Variants in EFCAB6 observed in about 807,000 individuals in gnomAD.
The protein encoded by EFCAB6 is EF-hand calcium binding domain 6.
A neutral mutation model predicts 169.8 loss-of-function variants in EFCAB6; 156 were observed. The observed-to-expected ratio is 0.92, with a 90% CI of 0.81 to 1.05. EFCAB6 has a LOEUF of 1.05. Among genes scored for constraint, EFCAB6 ranks in the 50% least tolerant of loss-of-function variants. The probability of loss-of-function intolerance (pLI) is 0.00; values close to 1 mark genes in which losing one functional copy is unlikely to be tolerated. For synonymous variants in EFCAB6, 698 were observed against 676.4 expected, an observed-to-expected ratio of 1.03 and a Z score of -0.50; for missense variants, 1,800 against 1,829.1, an observed-to-expected ratio of 0.98 and a Z score of 0.29.
intron 10 of EFCAB6, among the ~76,000 whole-genome samples, chr22:43,690,643 C>A (rs78152279): frequency 0.085 from 12,949 of 151,980 alleles, 661 homozygotes; most frequent in South Asian, 0.17. Flanking sequence ...AATGGTGTGG[C>A]CCTGCTCACC....
At chr22:43,564,672 T>A (rs1295070057) in intron 26 of EFCAB6, among the ~76,000 whole-genome samples, 1 of 151,928 alleles carries the variant, frequency 6.6e-6, no homozygotes, top group Non-Finnish European at 1.5e-5. Flanking sequence ...TCCCTAAGGG[T>A]CAAGAGAACC....
chr22:43,583,328 T>C (rs895324863), intron 24 of EFCAB6, among the ~76,000 whole-genome samples: 2 of 151,470 alleles, frequency 1.3e-5, no homozygotes, highest in Non-Finnish European at 2.9e-5. Context: ...CTTACAGATT[T>C]CATGGTTGGG....
chr22:43,781,878 A>G (rs2061833809), intron 3 of EFCAB6, among the ~76,000 whole-genome samples: 1 of 152,178 alleles, frequency 6.6e-6, no homozygotes, highest in Non-Finnish European at 1.5e-5. Context: ...GCTAAAAAAA[A>G]TTAAGTCTAC....
At chr22:43,713,238 C>G (rs1040399419) in intron 9 of EFCAB6, among the ~76,000 whole-genome samples, 5 of 152,074 alleles carry the variant, frequency 3.3e-5, no homozygotes, top group Admixed American at 1.3e-4. Flanking sequence ...GATCTCTATA[C>G]GAGCAGAGAT....
At chr22:43,566,689 A>T (rs2049455321) in intron 26 of EFCAB6, among the ~76,000 whole-genome samples, 1 of 152,224 alleles carries the variant, frequency 6.6e-6, no homozygotes, top group African/African-American at 2.4e-5. Context: ...AAGAACACAG[A>T]AGCCTCCTGA....
chr22:43,548,518 T>C, intron 27 of EFCAB6, among the ~76,000 whole-genome samples: 1 of 102,744 alleles, frequency 9.7e-6, no homozygotes, highest in African/African-American at 3.9e-5. Context: ...CCGGTCTGGG[T>C]GACAGAGCGA....
At chr22:43,704,913 T>C (rs1288768870) in intron 10 of EFCAB6, among the ~76,000 whole-genome samples, 3 of 152,124 alleles carry the variant, frequency 2.0e-5, no homozygotes, top group South Asian at 4.1e-4. Flanking sequence ...CAATAATTAC[T>C]ATGGATGTAA....
intron 6 of EFCAB6, among the ~76,000 whole-genome samples, chr22:43,748,136 T>C: frequency 6.6e-6 from 1 of 152,184 alleles, no homozygotes; most frequent in East Asian, 1.9e-4. Context: ...CTTCCAAGCC[T>C]GGTAACAGGT....
At chr22:43,574,146 T>A (rs2050077248) in intron 26 of EFCAB6, among the ~76,000 whole-genome samples, 1 of 150,912 alleles carries the variant, frequency 6.6e-6, no homozygotes, top group Admixed American at 6.6e-5. Context: ...AAAAAAAAAA[T>A]CCTAAATGCT....
intron 3 of EFCAB6, among the ~76,000 whole-genome samples, chr22:43,774,465 C>A (rs1219777208): frequency 6.6e-6 from 1 of 151,694 alleles, no homozygotes; most frequent in Non-Finnish European, 1.5e-5. Context: ...AGGGACTGCG[C>A]TGCCATCGGC....
intron 21 of EFCAB6, among the ~76,000 whole-genome samples, chr22:43,611,093 C>T (rs1211727830): frequency 6.6e-6 from 1 of 152,142 alleles, no homozygotes; most frequent in Non-Finnish European, 1.5e-5. Flanking sequence ...CAAAACCAGA[C>T]AAAGATATTA....
chr22:43,646,902 T>C (rs761525585), intron 17 of EFCAB6, among the ~76,000 whole-genome samples: 24 of 152,224 alleles, frequency 1.6e-4, no homozygotes, highest in African/African-American at 5.8e-4. Context: ...AAATGTAATA[T>C]GGCAATATGC....
intron 10 of EFCAB6, among the ~76,000 whole-genome samples, chr22:43,709,094 T>A (rs989281567): frequency 6.6e-6 from 1 of 152,190 alleles, no homozygotes; most frequent in Non-Finnish European, 1.5e-5. Context: ...TATTTCTTCA[T>A]TTTTTGGGAC....
At chr22:43,716,321 A>G (rs941440843) in intron 9 of EFCAB6, among the ~76,000 whole-genome samples, 1 of 152,202 alleles carries the variant, frequency 6.6e-6, no homozygotes, top group Non-Finnish European at 1.5e-5. Context: ...AAGTTCACAT[A>G]TAAAGAGTGG....
At position 43,773,036 on chromosome 22, in the gene EFCAB6, G is replaced by A. The variant is rs762356031; in HGVS notation, c.207C>T (p.Thr69=). Residue 69 remains threonine, a synonymous_variant, in exon 4 of 32, where the codon ACC becomes ACT. Coordinates refer to ENST00000262726, the MANE Select transcript of EFCAB6 (RefSeq NM_022785.4). ...CTTTTTGCAACTCATCCCCTCTGTCGGTAATTTTTTGAAATAAAATCCGTT... is the reference window on the plus strand; with the variant it reads ...CTTTTTGCAACTCATCCCCTCTGTCAGTAATTTTTTGAAATAAAATCCGTT... ...DVKRILFQKI[T]DRGDELQKAF... The A allele has an allele frequency of 1.5e-5, 24 of 1,614,028 alleles. No individual in the cohort carries two copies. Among genetic ancestry groups the A allele is most frequent in the African/African-American group, 4.0e-5 (3 of 74,894 alleles).
intron 26 of EFCAB6, among the ~76,000 whole-genome samples, chr22:43,557,419 T>C (rs986510886): frequency 1.3e-5 from 2 of 152,220 alleles, no homozygotes; most frequent in African/African-American, 2.4e-5. Flanking sequence ...TTCAATTTAA[T>C]TGAATTAGCA....
intron 24 of EFCAB6, among the ~76,000 whole-genome samples, chr22:43,581,735 A>G (rs2050740376): frequency 6.6e-6 from 1 of 152,188 alleles, no homozygotes; most frequent in Admixed American, 6.5e-5. Context: ...ATCTGCTTCT[A>G]AAGAAGATGA....
At chr22:43,709,293 G>T (rs1212762228) in intron 10 of EFCAB6, among the ~76,000 whole-genome samples, 1 of 152,118 alleles carries the variant, frequency 6.6e-6, no homozygotes. Context: ...TGTTGGCCAG[G>T]CTGGTCTCGA....
At chr22:43,729,554 G>A (rs915789573) in intron 8 of EFCAB6, among the ~76,000 whole-genome samples, 11 of 152,156 alleles carry the variant, frequency 7.2e-5, no homozygotes, top group Admixed American at 1.3e-4. Context: ...ATGAAAGTAC[G>A]CAAACTCTCC....
Sources: allele counts gnomAD v4.1 joint callset (sites outside exome capture counted in the v4.1 genomes callset), GRCh38; gene constraint gnomAD v4.1.1; transcripts MANE v1.5; gene names NCBI Gene and HGNC (gene_info 2026-07-23, HGNC 2026-07-21).